Variants in ARHGAP22 observed in about 807,000 individuals in gnomAD.
The protein encoded by ARHGAP22 is Rho GTPase activating protein 22, also known as rho GTPase-activating protein 22.
A neutral mutation model predicts 59.1 loss-of-function variants in ARHGAP22; 48 were observed. The observed-to-expected ratio is 0.81, with a 90% CI of 0.64 to 1.03. ARHGAP22 has a LOEUF of 1.03. Among genes scored for constraint, ARHGAP22 ranks in the 50% least tolerant of loss-of-function variants. The probability of loss-of-function intolerance (pLI) is 0.00; values close to 1 mark genes in which losing one functional copy is unlikely to be tolerated. For synonymous variants in ARHGAP22, 445 were observed against 416.4 expected, an observed-to-expected ratio of 1.07 and a Z score of -0.84; for missense variants, 1,015 against 958.7, an observed-to-expected ratio of 1.06 and a Z score of -0.78.
intron 2 of ARHGAP22, among the ~76,000 whole-genome samples, chr10:48,566,596 C>T (rs1469914145): frequency 3.3e-5 from 5 of 152,220 alleles, no homozygotes; most frequent in African/African-American, 7.2e-5. Context: ...TCCGCAGTAA[C>T]GCTGCCACCT....
At chr10:48,576,468 G>A (rs11599380) in intron 2 of ARHGAP22, among the ~76,000 whole-genome samples, 81,566 of 152,122 alleles carry the variant, frequency 0.54, 22,879 homozygotes, top group East Asian at 0.97. Flanking sequence ...TAGTCTCAAC[G>A]TGAGAAATTA....
chr10:48,560,109 C>T (rs2057588909), intron 2 of ARHGAP22, among the ~76,000 whole-genome samples: 1 of 152,186 alleles, frequency 6.6e-6, no homozygotes, highest in Admixed American at 6.5e-5. Context: ...TGCTAACCAT[C>T]TGATCTTAAA....
chr10:48,589,643 G>A (rs996569553), intron 1 of ARHGAP22, among the ~76,000 whole-genome samples: 3 of 152,184 alleles, frequency 2.0e-5, no homozygotes, highest in African/African-American at 4.8e-5. Context: ...TCCCCGTCAA[G>A]TCCTACAGTC....
At chr10:48,551,603 G>A (rs929468983) in intron 3 of ARHGAP22, among the ~76,000 whole-genome samples, 11 of 152,168 alleles carry the variant, frequency 7.2e-5, no homozygotes, top group East Asian at 3.9e-4. Flanking sequence ...GGAGGAGACC[G>A]TCACCTCTGC....
At chr10:48,452,570 T>C (rs776953416) in intron 8 of ARHGAP22, among the ~76,000 whole-genome samples, 1 of 152,234 alleles carries the variant, frequency 6.6e-6, no homozygotes, top group Non-Finnish European at 1.5e-5. Context: ...AAGAACAGCC[T>C]CAGCTGTGGG....
At chr10:48,469,870 C>T (rs1376301170) in intron 4 of ARHGAP22, among the ~76,000 whole-genome samples, 2 of 152,212 alleles carry the variant, frequency 1.3e-5, no homozygotes, top group Non-Finnish European at 2.9e-5. Flanking sequence ...TGGCATCCTG[C>T]TCTCTACAGC....
At chr10:48,474,066 C>T (rs923011335) in intron 4 of ARHGAP22, among the ~76,000 whole-genome samples, 6 of 152,244 alleles carry the variant, frequency 3.9e-5, no homozygotes, top group African/African-American at 1.4e-4. Flanking sequence ...ACAATATCAA[C>T]TCTTCTCATT....
chr10:48,631,861 A>G (rs531152395), intron 1 of ARHGAP22, among the ~76,000 whole-genome samples: 12 of 152,250 alleles, frequency 7.9e-5, no homozygotes, highest in Admixed American at 7.2e-4. Context: ...TTTCTCACCC[A>G]TCATTTTCTT....
At chr10:48,548,778 C>T (rs529873505) in intron 3 of ARHGAP22, among the ~76,000 whole-genome samples, 265 of 152,346 alleles carry the variant, frequency 1.7e-3, no homozygotes, top group South Asian at 4.8e-3. Flanking sequence ...GTTTGCCAGG[C>T]AGCTGCCCTG....
At chr10:48,489,523 C>A (rs1401490690) in intron 3 of ARHGAP22, among the ~76,000 whole-genome samples, 1 of 152,104 alleles carries the variant, frequency 6.6e-6, no homozygotes, top group African/African-American at 2.4e-5. Flanking sequence ...TTTATGCTGA[C>A]CTTCTTCTCT....
intron 2 of ARHGAP22, among the ~76,000 whole-genome samples, chr10:48,563,286 T>C (rs928289760): frequency 9.1e-5 from 13 of 143,518 alleles, no homozygotes; most frequent in African/African-American, 3.1e-4. Flanking sequence ...CTCCGCCTCC[T>C]GGGTTCATGC....
rs566203737 is a variant in ARHGAP22 at position 48,586,306 on chromosome 10, G to T, written c.35-3154C>A. Among the ~76,000 whole-genome samples, 317 of 152,270 alleles carry T rather than the reference G, an allele frequency of 2.1e-3. 3 individuals carry two copies. Among genetic ancestry groups the T allele is most frequent in the Non-Finnish European group, 4.2e-3 (287 of 68,026 alleles). On this transcript the variant is annotated intron_variant, in intron 1 of 9. Transcript: ENST00000249601. ...CTGTGAACTCTCTGTGCCTCAGTTTGCCAGTCAGAAAACTGGGCCCATATG... is the reference window on the plus strand; with the variant it reads ...CTGTGAACTCTCTGTGCCTCAGTTTTCCAGTCAGAAAACTGGGCCCATATG...
At chr10:48,501,631 T>C (rs1207308374) in intron 3 of ARHGAP22, among the ~76,000 whole-genome samples, 1 of 152,198 alleles carries the variant, frequency 6.6e-6, no homozygotes, top group Admixed American at 6.5e-5. Context: ...TCCTAGAAAT[T>C]TACTCTTCAG....
At chr10:48,457,301 G>A (rs1018819337) in intron 5 of ARHGAP22, among the ~76,000 whole-genome samples, 4 of 152,054 alleles carry the variant, frequency 2.6e-5, no homozygotes, top group Admixed American at 6.5e-5. Context: ...CCCCCCAGCC[G>A]GGCCGCCTGC....
At chr10:48,473,217 C>G (rs1263063575) in intron 4 of ARHGAP22, among the ~76,000 whole-genome samples, 1 of 152,120 alleles carries the variant, frequency 6.6e-6, no homozygotes, top group Non-Finnish European at 1.5e-5. Flanking sequence ...GAACATTATG[C>G]AAAATGAAAT....
chr10:48,653,858 A>T (rs1402316874), upstream of ARHGAP22, among the ~76,000 whole-genome samples: 1 of 152,202 alleles, frequency 6.6e-6, no homozygotes, highest in Non-Finnish European at 1.5e-5. Context: ...TGGCAAATAA[A>T]GGTGTAGGAT....
chr10:48,523,712 G>T (rs2054042961), intron 3 of ARHGAP22, among the ~76,000 whole-genome samples: 1 of 152,044 alleles, frequency 6.6e-6, no homozygotes, highest in African/African-American at 2.4e-5. Flanking sequence ...CGTCCCGGCC[G>T]TGGACTTGGC....
intron 2 of ARHGAP22, chr10:48,574,576 T>C (rs1588883401): frequency 6.6e-6 from 1 of 152,336 alleles, no homozygotes; most frequent in East Asian, 1.9e-4. Context: ...GAAGGGCATC[T>C]GACACAGGGG....
chr10:48,479,722 G>C lies in ARHGAP22; in HGVS notation c.365C>G (p.Ala122Gly). Residue 122 changes from alanine to glycine, a missense_variant, in exon 4 of 10, where the codon GCG becomes GGG. Ala to Gly is a moderately conservative substitution (Grantham distance 60). Transcript: ENST00000249601. ...EREKVPANPE[A>G]LLLMASSQRD... ...CTGGGAGCTGGCCATGAGCAGGAGC[G>C]CCTCGGGGTTGGCCGGCACCTTCTC... 5.6e-6 allele frequency: 9 copies of C among 1,604,844 alleles called. No homozygotes were observed. Among genetic ancestry groups the C allele is most frequent in the Non-Finnish European group, 7.7e-6 (9 of 1,174,722 alleles).
Sources: gnomAD v4.1 joint callset for allele counts (sites outside exome capture counted in the v4.1 genomes callset) on GRCh38, gnomAD v4.1.1 for gene constraint, MANE v1.5 for transcripts, NCBI Gene and HGNC (gene_info 2026-07-23, HGNC 2026-07-21) for gene names.